Variants in ARHGEF28 observed in about 807,000 individuals in gnomAD.
ARHGEF28 encodes the protein Rho guanine nucleotide exchange factor 28.
ARHGEF28 carries 152 observed loss-of-function variants against 206.6 expected under a neutral mutation model. That is an observed-to-expected ratio of 0.74 (90% CI 0.64 to 0.84). The LOEUF (loss-of-function observed/expected upper bound fraction) is 0.84. ARHGEF28 is among the 40% of genes least tolerant of loss of function. The pLI is 0.00. For missense variants in ARHGEF28, 2,028 were observed against 2,073.2 expected, an observed-to-expected ratio of 0.98 and a Z score of 0.42; for synonymous variants, 763 against 776.4, an observed-to-expected ratio of 0.98 and a Z score of 0.29.
At chr5:73,865,939 T>C in intron 17 of ARHGEF28, 26 bp from the exon 18 acceptor site, 2 of 1,508,478 alleles carry the variant, frequency 1.3e-6, no homozygotes, top group South Asian at 1.2e-5. Flanking sequence ...GATCTTACTT[T>C]ATGTGTTTCT....
chr5:73,885,715 C>A, intron 24 of ARHGEF28, 135 bp from the exon 25 acceptor site: 1 of 1,029,304 alleles, frequency 9.7e-7, no homozygotes, highest in Non-Finnish European at 1.3e-6. Context: ...TTTAATCCAA[C>A]ATTTTTCTTA....
rs565714771 is a variant in ARHGEF28, at chr5:73,650,815, G to A, written c.-12+24493G>A. Among the ~76,000 whole-genome samples the A allele has an allele frequency of 9.2e-5, 14 of 151,804 alleles. 1 individual carries two copies. The South Asian group carries it at 2.5e-3, about 27-fold the overall frequency. Reference sequence around the variant, plus strand: ...AGGCATGTGCCACCATGCCCAGCTCGTTTTTTGTATTTTTGGTAGAGACAG... The same window carrying A: ...AGGCATGTGCCACCATGCCCAGCTCATTTTTTGTATTTTTGGTAGAGACAG... On this transcript the variant is annotated intron_variant, in intron 1 of 35. Transcript: ENST00000513042.
At chr5:73,913,863 A>T (rs1309884908) in intron 35 of ARHGEF28, among the ~76,000 whole-genome samples, 1 of 152,192 alleles carries the variant, frequency 6.6e-6, no homozygotes, top group Non-Finnish European at 1.5e-5. Context: ...TCACTCTTTC[A>T]TTGTTAGGCC....
At chr5:73,768,887 T>C (rs1365119134) in intron 4 of ARHGEF28, among the ~76,000 whole-genome samples, 1 of 151,958 alleles carries the variant, frequency 6.6e-6, no homozygotes, top group Non-Finnish European at 1.5e-5. Context: ...TAAGAGGTGA[T>C]TGAATTATGG....
chr5:73,793,587 C>A (rs762337808), intron 7 of ARHGEF28, among the ~76,000 whole-genome samples: 6 of 152,116 alleles, frequency 3.9e-5, no homozygotes, highest in Non-Finnish European at 7.4e-5. Context: ...AGGAGTGAGA[C>A]CCCACAATGT....
intron 1 of ARHGEF28, among the ~76,000 whole-genome samples, chr5:73,655,276 C>T (rs1236448900): frequency 6.6e-6 from 1 of 152,194 alleles, no homozygotes; most frequent in African/African-American, 2.4e-5. Flanking sequence ...GTTCACAGGT[C>T]AACATGTTTA....
At chr5:73,632,165 T>A (rs1429716625) in intron 1 of ARHGEF28, among the ~76,000 whole-genome samples, 1 of 152,142 alleles carries the variant, frequency 6.6e-6, no homozygotes, top group Non-Finnish European at 1.5e-5. Context: ...GTGGTGGTGT[T>A]TTCCTGGGTA....
At chr5:73,795,003 T>G (rs1008773682) in intron 8 of ARHGEF28, among the ~76,000 whole-genome samples, 2 of 152,218 alleles carry the variant, frequency 1.3e-5, no homozygotes, top group Non-Finnish European at 2.9e-5. Context: ...TTGAATACAT[T>G]CTGCAAAACA....
intron 4 of ARHGEF28, among the ~76,000 whole-genome samples, chr5:73,765,164 A>G (rs6877387): frequency 0.021 from 3,262 of 152,326 alleles, 102 homozygotes; most frequent in African/African-American, 0.075. Context: ...TAGAACTACA[A>G]ACAATGAAGT....
At chr5:73,779,563 G>C (rs974959362) in intron 6 of ARHGEF28, among the ~76,000 whole-genome samples, 1 of 151,920 alleles carries the variant, frequency 6.6e-6, no homozygotes, top group African/African-American at 2.4e-5. Flanking sequence ...AAAGACGGGG[G>C]GTCAGGGCTA....
chr5:73,809,252 G>T (rs942979364), intron 9 of ARHGEF28, among the ~76,000 whole-genome samples: 2 of 151,500 alleles, frequency 1.3e-5, no homozygotes, highest in Admixed American at 6.6e-5. Flanking sequence ...TATAACAGAA[G>T]AATAATATAT....
chr5:73,825,423 T>G (rs1579945164), intron 9 of ARHGEF28, among the ~76,000 whole-genome samples: 1 of 151,052 alleles, frequency 6.6e-6, no homozygotes, highest in Non-Finnish European at 1.5e-5. Context: ...GGGGCTGGAG[T>G]AGAGTAGTGG....
chr5:73,841,476 C>A (rs969706375), intron 11 of ARHGEF28, among the ~76,000 whole-genome samples: 2 of 152,072 alleles, frequency 1.3e-5, no homozygotes, highest in Non-Finnish European at 1.5e-5. Context: ...GAGGCCAAGG[C>A]AGGCAGAATG....
intron 22 of ARHGEF28, among the ~76,000 whole-genome samples, chr5:73,881,115 T>G (rs1198838699): frequency 2.0e-5 from 3 of 152,116 alleles, no homozygotes; most frequent in Non-Finnish European, 4.4e-5. Flanking sequence ...TCTAATTGCT[T>G]TTGCATTTTT....
At chr5:73,815,074 G>A (rs1195550323) in intron 9 of ARHGEF28, among the ~76,000 whole-genome samples, 1 of 151,858 alleles carries the variant, frequency 6.6e-6, no homozygotes, top group Non-Finnish European at 1.5e-5. Flanking sequence ...TTTTATAGAT[G>A]TTATAAGGAA....
Position 73,868,023 on chromosome 5 carries a change from A to G in ARHGEF28, c.2297+3A>G. 1 of 1,613,890 alleles carries G rather than the reference A, an allele frequency of 6.2e-7. No individual in the cohort carries two copies. Reference sequence around the variant, plus strand: ...GTTCCAGGCACCACCTTGGAAAGGTAAGGCTGAGTGTGTTTTTACATATTA... The same window carrying G: ...GTTCCAGGCACCACCTTGGAAAGGTGAGGCTGAGTGTGTTTTTACATATTA... On this transcript the variant is annotated splice_donor_region_variant and intron_variant, in intron 19 of 35. Coordinates refer to ENST00000513042, the MANE Select transcript of ARHGEF28 (RefSeq NM_001177693.2).
At chr5:73,741,602 G>T (rs1328157557) in intron 2 of ARHGEF28, among the ~76,000 whole-genome samples, 7 of 150,586 alleles carry the variant, frequency 4.6e-5, no homozygotes, top group African/African-American at 1.7e-4. Context: ...TGTATTTTTA[G>T]TAGAGATGGG....
chr5:73,757,796 G>T (rs1561382939), intron 4 of ARHGEF28, among the ~76,000 whole-genome samples: 2 of 151,992 alleles, frequency 1.3e-5, no homozygotes, highest in East Asian at 3.9e-4. Context: ...CCTTGTGCAG[G>T]GTCTCAGAAG....
intron 13 of ARHGEF28, among the ~76,000 whole-genome samples, chr5:73,851,425 C>G (rs1289153486): frequency 6.7e-6 from 1 of 149,568 alleles, no homozygotes; most frequent in African/African-American, 2.5e-5. Context: ...TTTTTTGAGC[C>G]AAGAGTACGA....
Sources: gnomAD v4.1 joint callset for allele counts (sites outside exome capture counted in the v4.1 genomes callset) on GRCh38, gnomAD v4.1.1 for gene constraint, MANE v1.5 for transcripts, NCBI Gene and HGNC (gene_info 2026-07-23, HGNC 2026-07-21) for gene names.